The following PHKA1 variants were observed in gnomAD, a reference collection of about 807,000 sequenced individuals.
The protein encoded by PHKA1 is phosphorylase b kinase regulatory subunit alpha, skeletal muscle isoform.
In PHKA1, 60 loss-of-function variants were observed where a neutral mutation model predicts 110.2. The observed-to-expected ratio is 0.54, with a 90% CI of 0.44 to 0.68. The LOEUF is 0.68. PHKA1 is among the 30% of genes least tolerant of loss of function. PHKA1 has a pLI of 0.00. For synonymous variants in PHKA1, 316 were observed against 333.6 expected (o/e 0.95, Z 0.58); for missense variants, 801 against 942.5 (o/e 0.85, Z 1.97).
At chrX:72,640,239 T>C (rs993583927) in intron 14 of PHKA1, among the ~76,000 whole-genome samples, 16 of 111,433 alleles carry the variant, frequency 1.4e-4, no homozygotes, top group Non-Finnish European at 1.9e-5. Context: ...AATAACAAAA[T>C]AGCAAAATAT....
chrX:72,627,672 A>T (rs985441563), intron 16 of PHKA1, among the ~76,000 whole-genome samples: 6 of 111,649 alleles, frequency 5.4e-5, no homozygotes, highest in African/African-American at 1.6e-4. Flanking sequence ...TTATATCCTT[A>T]GGTTAAATTC....
intron 18 of PHKA1, chrX:72,621,750 T>C (rs943345728): frequency 9.4e-6 from 7 of 746,402 alleles, no homozygotes; most frequent in African/African-American, 9.3e-5. Context: ...ATGACAAAGA[T>C]TGTAACCTTG....
At chrX:72,706,827 C>T (rs1342337405) in intron 2 of PHKA1, among the ~76,000 whole-genome samples, 1 of 111,619 alleles carries the variant, frequency 9.0e-6, no homozygotes, top group African/African-American at 3.3e-5. Context: ...TTTCTTTAAA[C>T]AGCAAATCTG....
chrX:72,598,159 C>G (rs1254681060), intron 28 of PHKA1, among the ~76,000 whole-genome samples: 2 of 110,939 alleles, frequency 1.8e-5, no homozygotes, highest in Non-Finnish European at 3.8e-5. Flanking sequence ...ATCCTTGCAA[C>G]TCAACAATAA....
chrX:72,664,509 T>G (rs782609354), intron 8 of PHKA1, among the ~76,000 whole-genome samples: 1 of 111,482 alleles, frequency 9.0e-6, no homozygotes, highest in Non-Finnish European at 1.9e-5. Context: ...ACTCTTAGCA[T>G]TAGATAGATC....
chrX:72,680,937 C>A (rs200848989), intron 5 of PHKA1, among the ~76,000 whole-genome samples: 1 of 59,927 alleles, frequency 1.7e-5, no homozygotes, highest in East Asian at 6.8e-4. Context: ...AGCCTCTGCC[C>A]GGCTGCCACC....
intron 28 of PHKA1, among the ~76,000 whole-genome samples, chrX:72,597,706 C>A (rs1010234479): frequency 4.3e-4 from 48 of 111,610 alleles, no homozygotes; most frequent in African/African-American, 1.4e-3. Context: ...TTAAAATGTA[C>A]AATAAATTAT....
intron 6 of PHKA1, among the ~76,000 whole-genome samples, chrX:72,667,878 TA>T (rs1337910456): frequency 8.9e-6 from 1 of 111,977 alleles, no homozygotes; most frequent in Non-Finnish European, 1.9e-5. Flanking sequence ...GAAAACACAG[TA>T]AAGTACAGAG....
intron 5 of PHKA1, among the ~76,000 whole-genome samples, chrX:72,682,626 C>T (rs1556316947): frequency 9.5e-6 from 1 of 105,231 alleles, no homozygotes; most frequent in Non-Finnish European, 2.0e-5. Context: ...TGACCTTACC[C>T]CCAACCCTGT....
intron 28 of PHKA1, 43 bp from the exon 29 acceptor site, chrX:72,593,317 T>G: frequency 1.8e-5 from 19 of 1,027,366 alleles, no homozygotes; most frequent in Non-Finnish European, 2.4e-5. Flanking sequence ...AAGTTATCTC[T>G]GTTTCTATGA....
At chrX:72,651,821 A>G (rs1417693656) in intron 12 of PHKA1, among the ~76,000 whole-genome samples, 11 of 111,914 alleles carry the variant, frequency 9.8e-5, no homozygotes, top group African/African-American at 3.3e-4. Context: ...TCTGACTCAG[A>G]TAGGATAGTT....
chrX:72,609,706 A>G lies in PHKA1; in HGVS notation c.2527-3T>C. 7.8e-6 allele frequency: 9 copies of G among 1,159,945 alleles called. No individual in the cohort carries two copies. The highest frequency in any genetic ancestry group is 1.1e-5 in the Non-Finnish European group (9 of 848,389). On this transcript the variant is annotated splice_polypyrimidine_tract_variant and splice_region_variant and intron_variant, in intron 22 of 31. Transcript: ENST00000373542. ...TGGGAGAGAAGGTCTGTGCAGGCCT[A>G]ACAAGAGATAGCATAATATTATCGT...
chrX:72,596,472 T>A (rs1357074800), intron 28 of PHKA1, among the ~76,000 whole-genome samples: 1 of 111,637 alleles, frequency 9.0e-6, no homozygotes, highest in Admixed American at 9.5e-5. Context: ...ATAAAAAAAT[T>A]AGTTGTATTT....
At chrX:72,709,071 A>G (rs1160973485) in intron 2 of PHKA1, among the ~76,000 whole-genome samples, 2 of 111,397 alleles carry the variant, frequency 1.8e-5, no homozygotes, top group Admixed American at 9.6e-5. Flanking sequence ...GTATATGCAG[A>G]TGAAACTGAT....
At position 72,638,516 on chromosome X, in the gene PHKA1, G is replaced by A. The variant is rs781801289; in HGVS notation, c.1460-2130C>T. On this transcript the variant is annotated intron_variant, in intron 14 of 31. Transcript: ENST00000373542. ...AGTCATGTCTTCTTTTTTCAATGCTGAATACGGTGTATAAAGAATTGTAGA... is the reference window on the plus strand; with the variant it reads ...AGTCATGTCTTCTTTTTTCAATGCTAAATACGGTGTATAAAGAATTGTAGA... Among the ~76,000 whole-genome samples, 104 of 110,287 alleles carry A rather than the reference G, an allele frequency of 9.4e-4. 1 individual carries two copies. Among genetic ancestry groups the A allele is most frequent in the African/African-American group, 3.2e-3 (96 of 30,322 alleles).
chrX:72,621,674 GCT>G (rs1275244309), intron 18 of PHKA1: 2 of 452,666 alleles, frequency 4.4e-6, no homozygotes, highest in East Asian at 3.8e-4. Context: ...GTCTTTCTGT[GCT>G]CTGATGTGAC....
chrX:72,672,412 A>G (rs2053717332), intron 6 of PHKA1, among the ~76,000 whole-genome samples: 2 of 111,591 alleles, frequency 1.8e-5, no homozygotes, highest in Admixed American at 9.5e-5. Flanking sequence ...CCATCTGGTG[A>G]GGGCTTCTGG....
chrX:72,597,379 A>C, intron 28 of PHKA1, among the ~76,000 whole-genome samples: 1 of 111,831 alleles, frequency 8.9e-6, no homozygotes, highest in Admixed American at 9.5e-5. Flanking sequence ...CCTCAACAAG[A>C]ACAATGGGTG....
At chrX:72,690,375 T>C (rs782505128) in intron 4 of PHKA1, among the ~76,000 whole-genome samples, 1 of 111,538 alleles carries the variant, frequency 9.0e-6, no homozygotes, top group South Asian at 3.8e-4. Flanking sequence ...ATTGAAGCCC[T>C]AACCCCTAAT....
Sources: gnomAD v4.1 joint callset for allele counts (sites outside exome capture counted in the v4.1 genomes callset) on GRCh38, gnomAD v4.1.1 for gene constraint, MANE v1.5 for transcripts, NCBI Gene and HGNC (gene_info 2026-07-23, HGNC 2026-07-21) for gene names.